The following MIER1 variants were observed in gnomAD, a reference collection of about 807,000 sequenced individuals.
MIER1 encodes the protein MIER1 transcriptional regulator, also known as mesoderm induction early response protein 1.
Under a neutral mutation model 75.7 loss-of-function variants are expected in MIER1, and 40 were observed. The observed-to-expected ratio is 0.53, with a 90% CI of 0.41 to 0.69. The LOEUF is 0.69. MIER1 is among the 30% of genes least tolerant of loss of function. The pLI, the probability that MIER1 is intolerant of heterozygous loss-of-function variation, is 0.00. For missense variants in MIER1, 574 were observed against 680.2 expected (o/e 0.84, Z 1.74); for synonymous variants, 213 against 223.4 (o/e 0.95, Z 0.42).
chr1:66,964,737 C>T (rs1662026338), intron 8 of MIER1, among the ~76,000 whole-genome samples: 1 of 152,138 alleles, frequency 6.6e-6, no homozygotes, highest in East Asian at 1.9e-4. Context: ...TAGGCATGAG[C>T]CACTGCACCT....
chr1:66,926,097 C>T, intron 1 of MIER1, 45 bp from the exon 2 acceptor site: 2 of 1,464,894 alleles, frequency 1.4e-6, no homozygotes, highest in Admixed American at 1.7e-5. Context: ...CTTGTATCAT[C>T]GTTTCTGTCT....
rs923757799 is a variant in MIER1 at position 66,925,614 on chromosome 1, A to G, written c.67+519A>G. ...AGAGACTCGAATAGGGTATTACTGT[A>G]AGGAAACGAGGTCCTCCTAGCGCGT... is the stretch of plus-strand genomic sequence containing the variant. On this transcript the variant is annotated intron_variant, in intron 1 of 13. Transcript: ENST00000401041. The G allele has an allele frequency of 8.7e-6, 8 of 923,230 alleles. 1 individual carries two copies. In the South Asian group the frequency reaches 4.0e-4, roughly 46 times the overall value. 57.2% of individuals were successfully genotyped at this position (923,230 alleles called of 1,614,324 possible). A position where few individuals can be genotyped will look rare whatever the true frequency, so the allele number is the denominator to read the frequency against.
chr1:66,978,753 T>C (rs1222267605), intron 12 of MIER1, among the ~76,000 whole-genome samples: 1 of 152,168 alleles, frequency 6.6e-6, no homozygotes, highest in Non-Finnish European at 1.5e-5. Flanking sequence ...AGACCCATGG[T>C]TCATCCAGTT....
intron 4 of MIER1, among the ~76,000 whole-genome samples, chr1:66,956,680 G>A (rs988609629): frequency 1.4e-4 from 22 of 152,164 alleles, no homozygotes; most frequent in Admixed American, 7.9e-4. Context: ...TAAAGTTACC[G>A]CTTTTCAGGT....
rs1295078167 is a variant in MIER1 at position 66,971,754 on chromosome 1, T to C, written c.1006+18T>C. ...AGCTAGAGGTAAGTATAGTTTTTAT[T>C]CATTTTCATGATTTGGCAGAAATTT... is the stretch of plus-strand genomic sequence containing the variant. On this transcript the variant is annotated intron_variant, in intron 10 of 13. Coordinates refer to ENST00000401041, the MANE Select transcript of MIER1 (RefSeq NM_001077700.3). 2.3e-6 allele frequency: 3 copies of C among 1,309,222 alleles called. No homozygotes were observed. Among genetic ancestry groups the C allele is most frequent in the Non-Finnish European group, 3.2e-6 (3 of 934,496 alleles). The allele number at this position is 1,309,222 out of a possible 1,614,324, so 81.1% of individuals were successfully genotyped here.
intron 4 of MIER1, among the ~76,000 whole-genome samples, chr1:66,951,817 T>C (rs1659033625): frequency 6.6e-6 from 1 of 152,164 alleles, no homozygotes; most frequent in Non-Finnish European, 1.5e-5. Context: ...AGCCCTCTTA[T>C]TTCACATTGT....
rs952197285 is a variant in MIER1 at position 66,953,980 on chromosome 1, G to T, written c.340-4079G>T. Among the ~76,000 whole-genome samples, 3 of 152,090 alleles carry T rather than the reference G, an allele frequency of 2.0e-5. 1 individual carries two copies. The highest frequency in any genetic ancestry group is 2.0e-4 in the Admixed American group (3 of 15,262). ...ATAAAGCCCATCTAAAAATAACGTT[G>T]TGTAAAAATAAACTATTAGAAGGTA... On this transcript the variant is annotated intron_variant, in intron 4 of 13. Coordinates refer to ENST00000401041, the MANE Select transcript of MIER1 (RefSeq NM_001077700.3).
intron 4 of MIER1, chr1:66,946,805 C>T: frequency 2.0e-6 from 2 of 984,912 alleles, no homozygotes; most frequent in Non-Finnish European, 2.4e-6. Context: ...TTTTCTCTCA[C>T]TACCTTACTT....
intron 4 of MIER1, chr1:66,948,009 A>T (rs1177155005): frequency 7.2e-6 from 7 of 973,138 alleles, no homozygotes; most frequent in East Asian, 2.3e-4. Context: ...TTTTATTTTT[A>T]TTTTTTTTTA....
intron 11 of MIER1, among the ~76,000 whole-genome samples, chr1:66,974,987 A>G (rs1045838628): frequency 2.0e-4 from 31 of 152,212 alleles, no homozygotes; most frequent in Admixed American, 1.4e-3. Flanking sequence ...AGAGGAGACA[A>G]AAAACAGCTT....
chr1:66,979,341 C>G (rs1196048073), intron 12 of MIER1, among the ~76,000 whole-genome samples: 1 of 152,108 alleles, frequency 6.6e-6, no homozygotes, highest in Non-Finnish European at 1.5e-5. Context: ...TTTTCTCATC[C>G]TTCTTTTTAG....
At position 66,986,012 on chromosome 1, in the gene MIER1, A is replaced by G; in HGVS notation, c.*1112A>G. 2.0e-6 allele frequency: 2 copies of G among 991,698 alleles called. No homozygotes were observed. The allele number at this position is 991,698 out of a possible 1,614,324, so 61.4% of individuals were successfully genotyped here. Reference sequence around the variant, plus strand: ...TGCTGACCAGAATCCTGTTATTTTTATATGCATCATAAAATTTCCCATTTC... The same window carrying G: ...TGCTGACCAGAATCCTGTTATTTTTGTATGCATCATAAAATTTCCCATTTC... On this transcript the variant is annotated 3_prime_UTR_variant, in exon 14 of 14. Coordinates refer to ENST00000401041, the MANE Select transcript of MIER1 (RefSeq NM_001077700.3).
At position 66,980,439 on chromosome 1, in the gene MIER1, T is replaced by C. The variant is rs145329879; in HGVS notation, c.1230-1340T>C. Among the ~76,000 whole-genome samples, 641 of 152,372 alleles carry C rather than the reference T, an allele frequency of 4.2e-3. 21 individuals carry two copies. The highest frequency in any genetic ancestry group is 0.04 in the Admixed American group (617 of 15,312). Reference sequence around the variant, plus strand: ...TATACCTCAGACTATTAGAAGTTTCTTGAAGTCAGGTATCACATCCCTATA... The same window carrying C: ...TATACCTCAGACTATTAGAAGTTTCCTGAAGTCAGGTATCACATCCCTATA... On this transcript the variant is annotated intron_variant, in intron 12 of 13. Transcript: ENST00000401041.
chr1:66,936,990 C>A lies in MIER1; in HGVS notation c.169-3038C>A, dbSNP rs1295973193. Among the ~76,000 whole-genome samples the A allele has an allele frequency of 5.8e-5, 6 of 102,848 alleles. No individual in the cohort carries two copies. The Admixed American group carries it at 8.0e-4, about 14-fold the overall frequency. The allele number at this position is 102,848 out of a possible 152,430, so 67.5% of individuals were successfully genotyped here. On this transcript the variant is annotated intron_variant, in intron 2 of 13. Coordinates refer to ENST00000401041, the MANE Select transcript of MIER1 (RefSeq NM_001077700.3). ...CTCCAGCCTGGGTGACAGAGCGAGA[C>A]TCCATCTCAAAAAAAAAAAAAAAAA...
At chr1:66,949,623 A>G (rs1376153855) in intron 4 of MIER1, among the ~76,000 whole-genome samples, 1 of 152,200 alleles carries the variant, frequency 6.6e-6, no homozygotes, top group East Asian at 1.9e-4. Flanking sequence ...GAAGCTAAGC[A>G]ATATTTTGGG....
At chr1:66,972,235 CATATAT>C (rs71058486) in intron 10 of MIER1, among the ~76,000 whole-genome samples, 2 of 63,724 alleles carry the variant, frequency 3.1e-5, no homozygotes, top group East Asian at 3.3e-4. Context: ...ATATACACTA[CATATAT>C]ATATATATAT....
At chr1:66,946,475 A>C in intron 4 of MIER1, 180 bp downstream of exon 4, 1 of 1,330,916 alleles carries the variant, frequency 7.5e-7, no homozygotes, top group Non-Finnish European at 9.6e-7. Context: ...AAAAACAATA[A>C]CTTTATTATG....
Position 66,987,682 on chromosome 1 carries a change from CTG to C in MIER1, c.*2787_*2788del, listed in dbSNP as rs1666948246. 2 of 134,066 alleles carry C rather than the reference CTG, an allele frequency of 1.5e-5. No homozygotes were observed. Among genetic ancestry groups the C allele is most frequent in the South Asian group, 4.7e-4 (2 of 4,290 alleles). The allele number at this position is 134,066 out of a possible 1,614,324, so 8.3% of individuals were successfully genotyped here. On this transcript the variant is annotated 3_prime_UTR_variant, in exon 14 of 14. Transcript: ENST00000401041. The stretch of plus-strand genomic sequence containing the variant: ...TTTAAACATATTTGCCTACATAATA[CTG>C]TGTGAATATTTTCATTAGATTAATT...
At chr1:66,972,701 G>T (rs1663945615) in intron 10 of MIER1, among the ~76,000 whole-genome samples, 196 bp from the exon 11 acceptor site, 1 of 151,974 alleles carries the variant, frequency 6.6e-6, no homozygotes, top group Admixed American at 6.5e-5. Context: ...AGCTGGAGAG[G>T]TAGGGACCAA....
Sources: gnomAD v4.1 joint callset for allele counts (sites outside exome capture counted in the v4.1 genomes callset) on GRCh38, gnomAD v4.1.1 for gene constraint, MANE v1.5 for transcripts, NCBI Gene and HGNC (gene_info 2026-07-23, HGNC 2026-07-21) for gene names.